NRXN3: variants seen among roughly 807,000 people sequenced by gnomAD.
The protein encoded by NRXN3 is neurexin 3.
In NRXN3, 32 loss-of-function variants were observed where a neutral mutation model predicts 137.6. The observed-to-expected ratio is 0.23, with a 90% CI of 0.18 to 0.31. NRXN3 has a LOEUF of 0.31. NRXN3 is among the 10% of genes least tolerant of loss of function. The pLI is 1.00. For synonymous variants in NRXN3, 798 were observed against 784.5 expected, an observed-to-expected ratio of 1.02 and a Z score of -0.29; for missense variants, 1,574 against 2,062.5, an observed-to-expected ratio of 0.76 and a Z score of 4.59.
intron 15 of NRXN3, among the ~76,000 whole-genome samples, chr14:79,265,469 G>C (rs1241297671): frequency 6.6e-6 from 1 of 151,902 alleles, no homozygotes; most frequent in African/African-American, 2.4e-5. Flanking sequence ...GAAGAGAAAT[G>C]TTCAAGAAGA....
chr14:79,701,101 A>G (rs919323856), intron 19 of NRXN3, among the ~76,000 whole-genome samples: 1 of 152,048 alleles, frequency 6.6e-6, no homozygotes, highest in African/African-American at 2.4e-5. Context: ...TGTTTCCTCC[A>G]CAGTGATCAG....
intron 15 of NRXN3, among the ~76,000 whole-genome samples, chr14:79,452,534 C>T (rs1331461936): frequency 6.6e-6 from 1 of 152,084 alleles, no homozygotes; most frequent in Non-Finnish European, 1.5e-5. Context: ...AGACCAGGAC[C>T]AGGTGTAGAA....
At chr14:79,297,941 A>T (rs1306911981) in intron 15 of NRXN3, among the ~76,000 whole-genome samples, 1 of 152,080 alleles carries the variant, frequency 6.6e-6, no homozygotes, top group Non-Finnish European at 1.5e-5. Context: ...CCTTGGTAGG[A>T]GAGTATTGTT....
chr14:78,723,570 G>A (rs1017158485), intron 8 of NRXN3, among the ~76,000 whole-genome samples: 10 of 152,112 alleles, frequency 6.6e-5, no homozygotes, highest in African/African-American at 1.7e-4. Context: ...GGTCCCACTC[G>A]GAACATATGT....
intron 10 of NRXN3, among the ~76,000 whole-genome samples, chr14:78,855,673 T>C (rs1399856323): frequency 6.6e-6 from 1 of 152,190 alleles, no homozygotes; most frequent in African/African-American, 2.4e-5. Flanking sequence ...TCAAAAATAA[T>C]TTGAAGAAAG....
At chr14:79,319,306 A>G (rs574977395) in intron 15 of NRXN3, among the ~76,000 whole-genome samples, 2 of 152,330 alleles carry the variant, frequency 1.3e-5, no homozygotes, top group East Asian at 3.9e-4. Context: ...CAGCTATAAT[A>G]TTCCTGTTCT....
chr14:78,173,224 C>T (rs943185367), intron 1 of NRXN3, among the ~76,000 whole-genome samples: 6 of 151,866 alleles, frequency 4.0e-5, no homozygotes. Context: ...CTATTCTGCA[C>T]CCCCCTTTCT....
At chr14:78,644,581 T>A (rs1306474415) in intron 4 of NRXN3, among the ~76,000 whole-genome samples, 2 of 152,212 alleles carry the variant, frequency 1.3e-5, no homozygotes, top group Non-Finnish European at 2.9e-5. Flanking sequence ...AACTCAGCCA[T>A]GTTCCAGGGG....
intron 4 of NRXN3, among the ~76,000 whole-genome samples, chr14:78,558,794 A>G (rs1038500124): frequency 1.3e-5 from 2 of 152,238 alleles, no homozygotes; most frequent in African/African-American, 4.8e-5. Context: ...TATATCATCT[A>G]TTATGGATAG....
chr14:79,385,941 A>T (rs889180547), intron 15 of NRXN3, among the ~76,000 whole-genome samples: 1 of 152,188 alleles, frequency 6.6e-6, no homozygotes. Context: ...TTAGGTATTG[A>T]TGGGACGTAC....
chr14:78,921,210 C>G (rs900109134), intron 10 of NRXN3, among the ~76,000 whole-genome samples: 1 of 152,168 alleles, frequency 6.6e-6, no homozygotes, highest in Non-Finnish European at 1.5e-5. Flanking sequence ...TGCCAGGAAG[C>G]TGGGAGAAAG....
At chr14:79,260,748 G>C (rs923397857) in intron 15 of NRXN3, among the ~76,000 whole-genome samples, 27 of 152,130 alleles carry the variant, frequency 1.8e-4, no homozygotes, top group Admixed American at 1.6e-3. Context: ...TCAGAGCTCA[G>C]ATTATATTTT....
At position 78,577,445 on chromosome 14, in the gene NRXN3, A is replaced by G. The variant is rs191302978; in HGVS notation, c.758-67675A>G. Among the ~76,000 whole-genome samples the G allele has an allele frequency of 2.9e-3, 437 of 152,346 alleles. 1 individual carries two copies. The highest frequency in any genetic ancestry group is 4.3e-3 in the Non-Finnish European group (294 of 68,036). On this transcript the variant is annotated intron_variant, in intron 4 of 20. Transcript: ENST00000335750. The stretch of plus-strand genomic sequence containing the variant: ...ATTGCCATTGTTAATATGCTAGTAT[A>G]CATCTGTATATGGGAATTATAGGTG...
intron 8 of NRXN3, among the ~76,000 whole-genome samples, chr14:78,759,418 G>A (rs2098683248): frequency 6.6e-6 from 1 of 152,296 alleles, no homozygotes; most frequent in South Asian, 2.1e-4. Flanking sequence ...GGACACTGGG[G>A]CTTGATGAAG....
intron 15 of NRXN3, among the ~76,000 whole-genome samples, chr14:79,205,942 T>A (rs1459403406): frequency 6.6e-6 from 1 of 152,124 alleles, no homozygotes; most frequent in Non-Finnish European, 1.5e-5. Flanking sequence ...ACCTCATCAT[T>A]GTAGTTCTCT....
At chr14:79,775,254 CAGTG>C (rs2099093092) in intron 19 of NRXN3, among the ~76,000 whole-genome samples, 4 of 152,024 alleles carry the variant, frequency 2.6e-5, no homozygotes, top group African/African-American at 9.6e-5. Flanking sequence ...CACATAAAAA[CAGTG>C]AGATTAATGT....
At chr14:78,861,580 CT>C (rs1214369984) in intron 10 of NRXN3, among the ~76,000 whole-genome samples, 1 of 152,094 alleles carries the variant, frequency 6.6e-6, no homozygotes, top group African/African-American at 2.4e-5. Context: ...TCTAAGAACC[CT>C]GTCATATGCA....
intron 4 of NRXN3, among the ~76,000 whole-genome samples, chr14:78,375,381 A>G (rs560626569): frequency 6.6e-6 from 1 of 152,296 alleles, no homozygotes; most frequent in Admixed American, 6.5e-5. Context: ...TCACCTTTCA[A>G]TATTTATAGT....
chr14:78,533,097 G>A (rs1217388012), intron 4 of NRXN3, among the ~76,000 whole-genome samples: 1 of 110,474 alleles, frequency 9.1e-6, no homozygotes, highest in African/African-American at 3.2e-5. Flanking sequence ...TCTCCCTCCA[G>A]CCTTTTTTTT....
Sources: gnomAD v4.1 joint callset for allele counts (sites outside exome capture counted in the v4.1 genomes callset) on GRCh38, gnomAD v4.1.1 for gene constraint, MANE v1.5 for transcripts, NCBI Gene and HGNC (gene_info 2026-07-23, HGNC 2026-07-21) for gene names.